CLPTM1L: variants seen among roughly 807,000 people sequenced by gnomAD.
The protein encoded by CLPTM1L is CLPTM1 like, also known as lipid scramblase CLPTM1L.
CLPTM1L carries 38 observed loss-of-function variants against 70.9 expected under a neutral mutation model. That is an observed-to-expected ratio of 0.54 (90% CI 0.41 to 0.70). The LOEUF (loss-of-function observed/expected upper bound fraction) is 0.70. CLPTM1L is among the 30% of genes least tolerant of loss of function. The pLI is 0.00. For missense variants in CLPTM1L, 652 were observed against 705.9 expected (o/e 0.92, Z 0.87); for synonymous variants, 339 against 299.9 (o/e 1.13, Z -1.35).
chr5:1,318,644 T>C lies in CLPTM1L; in HGVS notation c.1533-191A>G, dbSNP rs1751972309. ...TTTCTGAGTTGTGTTTTGTTCTGCA[T>C]GGCCAGGCCAGCGTGCTGCTCTCAA... On this transcript the variant is annotated intron_variant, in intron 16 of 16. Coordinates refer to ENST00000320895, the MANE Select transcript of CLPTM1L (RefSeq NM_030782.5). This position sits in a 1 kb window ranked among gnomAD's most constrained non-coding sequence, Gnocchi z 8.9. Among the ~76,000 whole-genome samples the C allele has an allele frequency of 1.3e-5, 2 of 152,306 alleles. No individual in the cohort carries two copies. Among genetic ancestry groups the C allele is most frequent in the Admixed American group, 6.5e-5 (1 of 15,292 alleles).
In CLPTM1L at chr5:1,323,690, C is replaced by T. The variant is rs145870645; in HGVS notation, c.1280+97G>A. ...GGCGCTGGCCCAAGTGCCCCGGCCC[C>T]GAGTTTGCCCTCCAGTCGCACCCCG... On this transcript the variant is annotated intron_variant, in intron 12 of 16. Transcript: ENST00000320895. 4.5e-4 allele frequency: 461 copies of T among 1,017,920 alleles called. 3 individuals carry two copies. In the African/African-American group the frequency reaches 6.6e-3, roughly 14 times the overall value. 63.1% of individuals were successfully genotyped at this position (1,017,920 alleles called of 1,614,324 possible). A position where few individuals can be genotyped will look rare whatever the true frequency, so the allele number is the denominator to read the frequency against.
intron 12 of CLPTM1L, among the ~76,000 whole-genome samples, chr5:1,323,204 C>CA (rs1752266249): frequency 6.8e-6 from 1 of 146,884 alleles, no homozygotes; most frequent in African/African-American, 2.5e-5. Context: ...AGCTCAGGGC[C>CA]AGCACCCTGC....
intron 7 of CLPTM1L, among the ~76,000 whole-genome samples, chr5:1,332,892 G>A (rs1753197688): frequency 6.6e-6 from 1 of 152,188 alleles, no homozygotes; most frequent in African/African-American, 2.4e-5. Context: ...CACACCCCCT[G>A]AGGATGAGGG....
intron 2 of CLPTM1L, 24 bp downstream of exon 2, chr5:1,344,327 T>C: frequency 6.8e-7 from 1 of 1,462,322 alleles, no homozygotes; most frequent in Non-Finnish European, 9.6e-7. Context: ...TCCCTTTCAC[T>C]GGCATTTTGT....
chr5:1,318,293 G>A lies in CLPTM1L; in HGVS notation c.*76C>T. The A allele has an allele frequency of 8.3e-7, 1 of 1,203,916 alleles. No individual in the cohort carries two copies. The highest frequency in any genetic ancestry group is 1.2e-6 in the Non-Finnish European group (1 of 813,834). The allele number at this position is 1,203,916 out of a possible 1,614,324, so 74.6% of individuals were successfully genotyped here. On this transcript the variant is annotated 3_prime_UTR_variant, in exon 17 of 17. Coordinates refer to ENST00000320895, the MANE Select transcript of CLPTM1L (RefSeq NM_030782.5). The surrounding 1 kb of genome is among the most constrained non-coding windows in gnomAD (Gnocchi z 8.9). ...GCAACACAGAAAACGCAATGTCTAG[G>A]AATTCCTCCAAATGCTTCCAAAAAT...
At chr5:1,336,280 G>T (rs989287187) in intron 5 of CLPTM1L, among the ~76,000 whole-genome samples, 5 of 152,180 alleles carry the variant, frequency 3.3e-5, no homozygotes, top group Admixed American at 3.3e-4. Context: ...TCTCAAGACA[G>T]CACCTCTCGA....
intron 7 of CLPTM1L, 124 bp from the exon 8 acceptor site, chr5:1,332,007 G>C (rs1194388193): frequency 3.9e-6 from 3 of 772,770 alleles, no homozygotes; most frequent in African/African-American, 3.4e-5. Context: ...GATGCATCAG[G>C]ATAAGTGTCT....
At chr5:1,338,676 C>A (rs149777166) in intron 4 of CLPTM1L, among the ~76,000 whole-genome samples, 184 bp downstream of exon 4, 6 of 152,240 alleles carry the variant, frequency 3.9e-5, no homozygotes, top group Admixed American at 6.5e-5. Flanking sequence ...CTTTCTCCCC[C>A]CTTCCAGCCC....
chr5:1,329,683 TCTCTGCCTGGTGG>T (rs1207239713), intron 9 of CLPTM1L, among the ~76,000 whole-genome samples: 14 of 102,784 alleles, frequency 1.4e-4, no homozygotes, highest in African/African-American at 4.7e-4. Context: ...GCCTCAGGAC[TCTCTGCCTGGTGG>T]ACAGGGCCTC....
Position 1,342,265 on chromosome 5 carries a change from G to T in CLPTM1L, c.264-405C>A, listed in dbSNP as rs942299495. Among the ~76,000 whole-genome samples the T allele has an allele frequency of 2.0e-5, 3 of 152,212 alleles. No homozygotes were observed. The highest frequency in any genetic ancestry group is 2.9e-5 in the Non-Finnish European group (2 of 68,038). On this transcript the variant is annotated intron_variant, in intron 2 of 16. Transcript: ENST00000320895. This position sits in a 1 kb window ranked among gnomAD's most constrained non-coding sequence, Gnocchi z 4.3. Reference sequence around the variant, plus strand: ...CACCCAACTCCGAAGCGACAGAAGGGAAGGGCAGCAGCCACGAGGGCTCCA... The same window carrying T: ...CACCCAACTCCGAAGCGACAGAAGGTAAGGGCAGCAGCCACGAGGGCTCCA...
chr5:1,325,875 G>C lies in CLPTM1L; in HGVS notation c.1081-59C>G, dbSNP rs1752501271. On this transcript the variant is annotated intron_variant, in intron 9 of 16. Coordinates refer to ENST00000320895, the MANE Select transcript of CLPTM1L (RefSeq NM_030782.5). ...TATTCGAAGGCCAGGAGCCACGAAT[G>C]AACGACCCAGACAGTAACGGGTAGG... 1.2e-5 allele frequency: 17 copies of C among 1,445,768 alleles called. No individual in the cohort carries two copies. The South Asian group carries it at 1.7e-4, about 15-fold the overall frequency. 89.6% of individuals were successfully genotyped at this position (1,445,768 alleles called of 1,614,324 possible).
chr5:1,334,139 C>A (rs148982705), intron 7 of CLPTM1L, 150 bp downstream of exon 7: 3 of 567,754 alleles, frequency 5.3e-6, no homozygotes, highest in East Asian at 3.1e-5. Context: ...TGGTGTCAGG[C>A]GTGCTGGCTG....
chr5:1,335,283 G>A (rs1753501006), intron 5 of CLPTM1L, 109 bp from the exon 6 acceptor site: 1 of 851,750 alleles, frequency 1.2e-6, no homozygotes, highest in African/African-American at 1.7e-5. Flanking sequence ...TGTGGCCCCA[G>A]GTCAGCCATG....
intron 6 of CLPTM1L, among the ~76,000 whole-genome samples, 168 bp downstream of exon 6, chr5:1,334,889 T>C (rs972801407): frequency 6.6e-6 from 1 of 152,246 alleles, no homozygotes. Flanking sequence ...AACCAGGTCA[T>C]CTCCAAGGAG....
rs920022087 is a variant in CLPTM1L, at chr5:1,344,972, G to T, written c.-131C>A. ...CGCCGCGCGCCACCGCCACCGCCGC[G>T]GGGGAACGAATGCGCCGCGCGCCGC... On this transcript the variant is annotated 5_prime_UTR_variant, in exon 1 of 17. Coordinates refer to ENST00000320895, the MANE Select transcript of CLPTM1L (RefSeq NM_030782.5). 5.6e-5 allele frequency: 23 copies of T among 412,872 alleles called. No individual in the cohort carries two copies. The highest frequency in any genetic ancestry group is 6.8e-5 in the Non-Finnish European group (21 of 308,438). The allele number at this position is 412,872 out of a possible 1,614,324, so 25.6% of individuals were successfully genotyped here. A position where few individuals can be genotyped will look rare whatever the true frequency, so the allele number is the denominator to read the frequency against.
At chr5:1,332,158 T>G in intron 7 of CLPTM1L, 2 of 457,934 alleles carry the variant, frequency 4.4e-6, no homozygotes, top group Middle Eastern at 1.2e-3. Flanking sequence ...AATTGGAGGC[T>G]CTGGATTCCC....
intron 5 of CLPTM1L, among the ~76,000 whole-genome samples, chr5:1,336,150 C>T (rs1017852915): frequency 6.6e-6 from 1 of 152,226 alleles, no homozygotes; most frequent in Non-Finnish European, 1.5e-5. Context: ...CTCCAGGCAC[C>T]CCTCGAGCTG....
At chr5:1,329,537 C>G (rs915649291) in intron 9 of CLPTM1L, among the ~76,000 whole-genome samples, 1 of 133,826 alleles carries the variant, frequency 7.5e-6, no homozygotes, top group Non-Finnish European at 1.5e-5. Context: ...AGCCTCAGGA[C>G]TCTCTGCTTG....
chr5:1,333,562 A>G, intron 7 of CLPTM1L, among the ~76,000 whole-genome samples: 1 of 151,138 alleles, frequency 6.6e-6, no homozygotes, highest in Admixed American at 6.6e-5. Context: ...TACACACCGG[A>G]TGAGGATAAG....
Sources: gnomAD v4.1 joint callset for allele counts (sites outside exome capture counted in the v4.1 genomes callset) on GRCh38, gnomAD v4.1.1 for gene constraint, Gnocchi (gnomAD v3.1) non-coding constraint, MANE v1.5 for transcripts, NCBI Gene and HGNC (gene_info 2026-07-23, HGNC 2026-07-21) for gene names.